HOXA3: variants seen among roughly 807,000 people sequenced by gnomAD.
HOXA3 encodes the protein homeobox A3.
Under a neutral mutation model 30.3 loss-of-function variants are expected in HOXA3, and 8 were observed. That is an observed-to-expected ratio of 0.26 (90% confidence interval 0.15 to 0.48). HOXA3 has a LOEUF of 0.48. Ranked by LOEUF, HOXA3 falls within the 20% of genes least tolerant of loss-of-function variation. HOXA3 has a pLI of 0.99. For synonymous variants in HOXA3, 323 were observed against 273.1 expected (o/e 1.18, Z -1.80); for missense variants, 653 against 614.4 (o/e 1.06, Z -0.66).
chr7:27,141,315 T>C (rs1372217038), intron 1 of HOXA3: 2 of 154,086 alleles, frequency 1.3e-5, no homozygotes, highest in East Asian at 3.8e-4. Flanking sequence ...ACAGAGTCAC[T>C]AGTCACTACA....
chr7:27,147,756 G>A (rs935855248), intron 1 of HOXA3: 2 of 1,601,270 alleles, frequency 1.2e-6, no homozygotes, highest in Non-Finnish European at 8.5e-7. Flanking sequence ...TCATTTGCGC[G>A]CCCCTCTGCA....
chr7:27,110,626 G>A lies in HOXA3; in HGVS notation c.15C>T (p.Thr5=). The change falls in exon 5 of 6, where the codon ACC becomes ACT. Residue 5 remains threonine (T), a synonymous_variant. Transcript: ENST00000612286. MQKA[T]YYDSSAIYGG... is the part of the protein sequence containing the mutation. ...CGTAGATCGCCGAGCTGTCGTAGTA[G>A]GTCGCTTTTTGCATCGCGTTGTTTC... 1 of 1,603,758 alleles carries A rather than the reference G, an allele frequency of 6.2e-7. No individual in the cohort carries two copies. Among genetic ancestry groups the A allele is most frequent in the Non-Finnish European group, 8.5e-7 (1 of 1,172,232 alleles).
chr7:27,108,560 G>A lies in HOXA3; in HGVS notation c.687C>T (p.Asn229=). 1 of 1,614,164 alleles carries A rather than the reference G, an allele frequency of 6.2e-7. No individual in the cohort carries two copies. The highest frequency in any genetic ancestry group is 8.5e-7 in the Non-Finnish European group (1 of 1,180,020). The change falls in exon 6 of 6, where the codon AAC becomes AAT. Residue 229 remains asparagine (N), a synonymous_variant. Transcript: ENST00000612286. This position sits in a 1 kb window ranked among gnomAD's most constrained non-coding sequence, Gnocchi z 5.0. The part of the protein sequence containing the change: ...PRRVEMANLL[N]LTERQIKIWF... ...AGATCTTGATCTGGCGCTCAGTGAGGTTCAGCAGATTGGCCATCTCCACCC... is the reference window on the plus strand; with the variant it reads ...AGATCTTGATCTGGCGCTCAGTGAGATTCAGCAGATTGGCCATCTCCACCC...
rs145032542 is a variant in HOXA3 at position 27,129,538 on chromosome 7, C to T, written c.-389-2468G>A. The T allele has an allele frequency of 1.5e-4, 236 of 1,613,906 alleles. No homozygotes were observed. The highest frequency in any genetic ancestry group is 1.9e-4 in the Non-Finnish European group (219 of 1,180,026). Reference sequence around the variant, plus strand: ...CTGCCGGGTGTAGGCGGTTCGAGAGCGCTTAGGCTCCCCTCCGTTATAACT... The same window carrying T: ...CTGCCGGGTGTAGGCGGTTCGAGAGTGCTTAGGCTCCCCTCCGTTATAACT... On this transcript the variant is annotated intron_variant, in intron 2 of 5. Transcript: ENST00000612286.
intron 3 of HOXA3, chr7:27,123,299 G>A (rs959087326): frequency 1.9e-4 from 29 of 152,302 alleles, no homozygotes; most frequent in African/African-American, 6.8e-4. Flanking sequence ...GGCCAGCTAA[G>A]GCTGCTGGAA....
At chr7:27,118,232 C>T (rs1433826331) in intron 4 of HOXA3, among the ~76,000 whole-genome samples, 2 of 152,168 alleles carry the variant, frequency 1.3e-5, no homozygotes, top group African/African-American at 4.8e-5. Flanking sequence ...CTGAAAACTG[C>T]AATCGGCTCA....
chr7:27,130,031 C>T, intron 2 of HOXA3: 1 of 1,438,344 alleles, frequency 7.0e-7, no homozygotes, highest in Non-Finnish European at 9.4e-7. Context: ...GGCCCCCTTC[C>T]CCTGAGCCTC....
At chr7:27,147,016 T>A (rs1053945417) in intron 1 of HOXA3, 1 of 409,560 alleles carries the variant, frequency 2.4e-6, no homozygotes, top group Non-Finnish European at 4.4e-6. Flanking sequence ...CCCACCAGCC[T>A]CTCTCTCTCT....
At chr7:27,125,900 G>A (rs1026611777) in intron 3 of HOXA3, among the ~76,000 whole-genome samples, 2 of 152,178 alleles carry the variant, frequency 1.3e-5, no homozygotes, top group Non-Finnish European at 2.9e-5. Flanking sequence ...GAGGAAAGAT[G>A]GTGATATCCA....
At position 27,107,921 on chromosome 7, in the gene HOXA3, G is replaced by A. The variant is rs777442846; in HGVS notation, c.1326C>T (p.His442=). ...CGTAGCCCCAAGCCCACTATCACAG[G>A]TGGGTGAGCTTGGGTGCTTCCTGAA... ...GRIQEAPKLT[H]L The change falls in exon 6 of 6, where the codon CAC becomes CAT. Residue 442 remains histidine, a synonymous_variant. Transcript: ENST00000612286. 5.7e-6 allele frequency: 9 copies of A among 1,572,018 alleles called. No individual in the cohort carries two copies. The highest frequency in any genetic ancestry group is 2.7e-5 in the African/African-American group (2 of 73,700).
At chr7:27,143,630 G>T in intron 1 of HOXA3, 2 of 1,570,652 alleles carry the variant, frequency 1.3e-6, no homozygotes, top group South Asian at 2.4e-5. Flanking sequence ...ATGTGTGCTT[G>T]ATTTGTGGCT....
intron 5 of HOXA3, 122 bp downstream of exon 5, chr7:27,109,993 G>C: frequency 8.2e-7 from 1 of 1,216,872 alleles, no homozygotes; most frequent in South Asian, 1.3e-5. Flanking sequence ...GTGGGCAGTG[G>C]TGTGGGAGCA....
chr7:27,108,442 C>T lies in HOXA3; in HGVS notation c.805G>A (p.Val269Met). 6.2e-7 allele frequency: 1 copy of T among 1,613,878 alleles called. No individual in the cohort carries two copies. Among genetic ancestry groups the T allele is most frequent in the Non-Finnish European group, 8.5e-7 (1 of 1,179,904 alleles). ...SGGQSPSRSP[V>M]PPGAGGYLNS... ...AGATAGCCACCGGCTCCGGGGGGCA[C>T]GGGGCTGCGACTTGGAGACTGGCCC... Residue 269 changes from valine to methionine, a missense_variant, in exon 6 of 6, where the codon GTG becomes ATG. Val to Met is a conservative substitution (Grantham distance 21, BLOSUM62 1). This residue lies in a region of HOXA3 where 330 missense variants were observed against 274.4 expected (regional missense o/e 1.20). Coordinates refer to ENST00000612286, the MANE Select transcript of HOXA3 (RefSeq NM_153631.3). This position sits in a 1 kb window ranked among gnomAD's most constrained non-coding sequence, Gnocchi z 5.0.
intron 1 of HOXA3, among the ~76,000 whole-genome samples, chr7:27,149,867 C>G (rs1011156270): frequency 6.6e-6 from 1 of 152,092 alleles, no homozygotes; most frequent in Non-Finnish European, 1.5e-5. Context: ...TGAAAACAAC[C>G]GTTTGGAGAT....
chr7:27,109,996 T>A, intron 5 of HOXA3, 119 bp downstream of exon 5: 1 of 1,235,714 alleles, frequency 8.1e-7, no homozygotes, highest in Non-Finnish European at 1.2e-6. Context: ...GGCAGTGGTG[T>A]GGGAGCAGTG....
At chr7:27,110,838 G>A in intron 4 of HOXA3, 78 bp from the exon 5 acceptor site, 3 of 714,346 alleles carry the variant, frequency 4.2e-6, no homozygotes, top group Non-Finnish European at 4.4e-6. Flanking sequence ...TGACATGAAA[G>A]CCATAAAAGA....
intron 1 of HOXA3, chr7:27,146,024 C>G (rs571843800): frequency 1.6e-6 from 2 of 1,268,182 alleles, no homozygotes; most frequent in Non-Finnish European, 2.2e-6. Flanking sequence ...CACCCCGCCT[C>G]CACTCCAGCC....
At chr7:27,140,552 A>G (rs568065212) in intron 1 of HOXA3, 10 of 152,346 alleles carry the variant, frequency 6.6e-5, no homozygotes, top group Non-Finnish European at 1.2e-4. Context: ...AAGTACCTTC[A>G]ATTTGTAGCA....
chr7:27,143,413 G>A (rs760180381), intron 1 of HOXA3: 2 of 1,611,672 alleles, frequency 1.2e-6, no homozygotes, highest in Admixed American at 1.7e-5. Flanking sequence ...GCTCTCCGGA[G>A]CCAAAGTGGC....
Sources: gnomAD v4.1 joint callset for allele counts (sites outside exome capture counted in the v4.1 genomes callset) on GRCh38, gnomAD v4.1.1 for gene constraint, gnomAD v4.1.1 regional missense constraint, Gnocchi (gnomAD v3.1) non-coding constraint, MANE v1.5 for transcripts, NCBI Gene and HGNC (gene_info 2026-07-23, HGNC 2026-07-21) for gene names.